PKIB: variants seen among roughly 807,000 people sequenced by gnomAD.
PKIB encodes the protein cAMP-dependent protein kinase inhibitor beta, also known as PKI-beta.
In PKIB, 2 loss-of-function variants were observed where a neutral mutation model predicts 4.5. The observed-to-expected ratio is 0.44, with a 90% CI of 0.18 to 1.39. The LOEUF is 1.39. Among genes scored for constraint, PKIB ranks in the 40% most tolerant of loss-of-function variants. The pLI is 0.27. For synonymous variants in PKIB, 38 were observed against 36.0 expected, an observed-to-expected ratio of 1.06 and a Z score of -0.20; for missense variants, 94 against 92.6, an observed-to-expected ratio of 1.02 and a Z score of -0.06.
chr6:122,585,314 C>T (rs1034561251), intron 2 of PKIB, among the ~76,000 whole-genome samples: 1 of 152,106 alleles, frequency 6.6e-6, no homozygotes, highest in African/African-American at 2.4e-5. Flanking sequence ...GTCTCCTGTA[C>T]AATAAGGTAT....
At chr6:122,724,686 G>C (rs760030689) in intron 4 of PKIB, among the ~76,000 whole-genome samples, 8 of 152,106 alleles carry the variant, frequency 5.3e-5, no homozygotes, top group Non-Finnish European at 8.8e-5. Context: ...AGAAAGTGAG[G>C]TTGTCTCCTA....
chr6:122,558,154 G>A (rs1180123575), intron 2 of PKIB, among the ~76,000 whole-genome samples: 3 of 152,126 alleles, frequency 2.0e-5, no homozygotes, highest in Non-Finnish European at 4.4e-5. Context: ...TATTTGTAGG[G>A]TTTAGTCATG....
chr6:122,496,384 C>T (rs1776076707), intron 2 of PKIB, among the ~76,000 whole-genome samples: 1 of 152,054 alleles, frequency 6.6e-6, no homozygotes, highest in Non-Finnish European at 1.5e-5. Context: ...GGTCTCTAAC[C>T]AAAATGGAAG....
At chr6:122,492,080 C>T (rs1346028619) in intron 2 of PKIB, among the ~76,000 whole-genome samples, 1 of 152,108 alleles carries the variant, frequency 6.6e-6, no homozygotes, top group East Asian at 1.9e-4. Flanking sequence ...CATCTCAGCG[C>T]TTGAGAGGGT....
chr6:122,525,286 G>T (rs1777065318), intron 2 of PKIB, among the ~76,000 whole-genome samples: 1 of 151,946 alleles, frequency 6.6e-6, no homozygotes. Context: ...TTTATTTACA[G>T]TTTCATTCTA....
rs566296684 is a variant in PKIB, at chr6:122,500,495, A to G, written c.-248+22556A>G. 9.7e-4 allele frequency among the ~76,000 whole-genome samples: 148 copies of G among 152,342 alleles called. 1 individual carries two copies. Among genetic ancestry groups the G allele is most frequent in the Admixed American group, 1.6e-3 (24 of 15,302 alleles). ...TGAGTCATTTCCAATAATGCTAAAT[A>G]TAAACCTTTATGCTGTGCAGCTAGG... On this transcript the variant is annotated intron_variant, in intron 2 of 6. Transcript: ENST00000392491.
chr6:122,496,708 T>G (rs1008987501), intron 2 of PKIB, among the ~76,000 whole-genome samples: 2 of 152,090 alleles, frequency 1.3e-5, no homozygotes, highest in African/African-American at 4.8e-5. Flanking sequence ...GAGCAAAGTC[T>G]CCAAGAAATA....
chr6:122,631,803 A>G (rs539312136), intron 1 of PKIB, among the ~76,000 whole-genome samples: 2 of 152,308 alleles, frequency 1.3e-5, no homozygotes, highest in Admixed American at 6.5e-5. Context: ...TTACCAGTGC[A>G]TTTGTAAGCT....
chr6:122,684,289 A>C (rs1179893157), intron 3 of PKIB, among the ~76,000 whole-genome samples: 1 of 152,228 alleles, frequency 6.6e-6, no homozygotes, highest in Non-Finnish European at 1.5e-5. Context: ...CTTAGTCAAC[A>C]ATACAGTATT....
At chr6:122,596,333 G>A (rs1028967269) in intron 3 of PKIB, among the ~76,000 whole-genome samples, 19 of 152,174 alleles carry the variant, frequency 1.2e-4, no homozygotes, top group African/African-American at 4.6e-4. Context: ...TGAGGCCATC[G>A]GTGCAGGCTT....
At position 122,614,054 on chromosome 6, in the gene PKIB, G is replaced by GCTGT. The variant is rs144061011; in HGVS notation, c.-161+3520_-161+3521insTGTC. On this transcript the variant is annotated intron_variant, in intron 1 of 4. Coordinates refer to ENST00000368452, the MANE Select transcript of PKIB (RefSeq NM_181795.3). ...GAACTGAGGTACACTTTTTATTCTA[G>GCTGT]CAAGTGGCAAATAGCAGTATTATGT... Among the ~76,000 whole-genome samples the GCTGT allele has an allele frequency of 1.7e-3, 251 of 151,486 alleles. 3 individuals are homozygous for GCTGT. In the East Asian group the frequency reaches 0.033, roughly 20 times the overall value.
intron 2 of PKIB, among the ~76,000 whole-genome samples, chr6:122,529,015 C>G (rs1414569709): frequency 6.6e-6 from 1 of 152,176 alleles, no homozygotes; most frequent in Non-Finnish European, 1.5e-5. Flanking sequence ...TAGGGTAACA[C>G]AAACATTCTG....
At position 122,647,132 on chromosome 6, in the gene PKIB, C is replaced by T. The variant is rs572340619; in HGVS notation, c.-76+13765C>T. Among the ~76,000 whole-genome samples the T allele has an allele frequency of 5.3e-5, 8 of 152,154 alleles. No individual in the cohort carries two copies. The South Asian group carries it at 1.2e-3, about 24-fold the overall frequency. Reference sequence around the variant, plus strand: ...AATGGGCTTAAGGAATCCACACACTCGCAGAAGAGTAGGGTGGAAACTCTG... The same window carrying T: ...AATGGGCTTAAGGAATCCACACACTTGCAGAAGAGTAGGGTGGAAACTCTG... On this transcript the variant is annotated intron_variant, in intron 2 of 4. Transcript: ENST00000368452.
At chr6:122,618,667 A>T (rs2114781695) in intron 1 of PKIB, among the ~76,000 whole-genome samples, 1 of 152,202 alleles carries the variant, frequency 6.6e-6, no homozygotes, top group Non-Finnish European at 1.5e-5. Context: ...AAATCATCTT[A>T]GTATAAATTA....
intron 2 of PKIB, among the ~76,000 whole-genome samples, chr6:122,561,645 AG>A (rs1234186549): frequency 6.6e-6 from 1 of 152,010 alleles, no homozygotes; most frequent in Non-Finnish European, 1.5e-5. Context: ...CTGTTGGGCA[AG>A]GCCTTTTACC....
intron 3 of PKIB, among the ~76,000 whole-genome samples, chr6:122,715,569 C>T (rs1779454178): frequency 6.6e-6 from 1 of 151,316 alleles, no homozygotes; most frequent in South Asian, 2.1e-4. Context: ...TGTGAAAAGA[C>T]AGGGAACCAA....
chr6:122,678,911 G>A (rs1464572652), intron 3 of PKIB, among the ~76,000 whole-genome samples: 1 of 152,214 alleles, frequency 6.6e-6, no homozygotes, highest in Non-Finnish European at 1.5e-5. Context: ...GAGAGCAAAT[G>A]CAATGCAGAT....
chr6:122,552,180 G>A (rs1025131559), intron 2 of PKIB, among the ~76,000 whole-genome samples: 1 of 152,094 alleles, frequency 6.6e-6, no homozygotes, highest in African/African-American at 2.4e-5. Flanking sequence ...GAAGGAAGAG[G>A]CTTTCTTTCT....
At chr6:122,664,296 A>G (rs1315091297) in intron 2 of PKIB, among the ~76,000 whole-genome samples, 1 of 152,250 alleles carries the variant, frequency 6.6e-6, no homozygotes, top group African/African-American at 2.4e-5. Flanking sequence ...ATGTACTGTT[A>G]TAGGAAGTAT....
Sources: allele counts gnomAD v4.1 joint callset (sites outside exome capture counted in the v4.1 genomes callset), GRCh38; gene constraint gnomAD v4.1.1; transcripts MANE v1.5; gene names NCBI Gene and HGNC (gene_info 2026-07-23, HGNC 2026-07-21).